TNKS: variants seen among roughly 807,000 people sequenced by gnomAD.
TNKS encodes poly [ADP-ribose] polymerase tankyrase-1.
Under a neutral mutation model 135.8 loss-of-function variants are expected in TNKS, and 72 were observed. That is an observed-to-expected ratio of 0.53 (90% CI 0.44 to 0.64). TNKS has a LOEUF of 0.64. Among genes scored for constraint, TNKS ranks in the 30% least tolerant of loss-of-function variants. The pLI, the probability that TNKS is intolerant of heterozygous loss-of-function variation, is 0.00. For synonymous variants in TNKS, 849 were observed against 649.3 expected (o/e 1.31, Z -4.68); for missense variants, 1,769 against 1,674.0 (o/e 1.06, Z -0.99).
intron 3 of TNKS, among the ~76,000 whole-genome samples, chr8:9,657,698 G>A (rs1212264069): frequency 1.0e-5 from 1 of 96,808 alleles, no homozygotes; most frequent in Non-Finnish European, 2.2e-5. Context: ...GCCGGGCTGA[G>A]GGGCTCCTCA....
intron 8 of TNKS, among the ~76,000 whole-genome samples, 176 bp downstream of exon 8, chr8:9,707,173 T>A (rs1322731822): frequency 1.3e-5 from 2 of 152,244 alleles, no homozygotes; most frequent in Non-Finnish European, 2.9e-5. Flanking sequence ...ATACAGACAC[T>A]TTTTGTATAT....
intron 3 of TNKS, among the ~76,000 whole-genome samples, chr8:9,657,246 G>A (rs1801426422): frequency 8.7e-6 from 1 of 115,096 alleles, no homozygotes; most frequent in African/African-American, 3.2e-5. Context: ...GGCCGGGCGG[G>A]GGGCCGACCC....
At chr8:9,583,780 C>A (rs930247080) in intron 2 of TNKS, among the ~76,000 whole-genome samples, 7 of 152,060 alleles carry the variant, frequency 4.6e-5, no homozygotes, top group Non-Finnish European at 1.0e-4. Flanking sequence ...AGCCACCGCA[C>A]CCAGCCTGTA....
chr8:9,613,063 CA>C (rs1207054482), intron 2 of TNKS, among the ~76,000 whole-genome samples: 1 of 152,046 alleles, frequency 6.6e-6, no homozygotes, highest in African/African-American at 2.4e-5. Flanking sequence ...GTGGCAGAGA[CA>C]GGCACACTCA....
chr8:9,776,582 A>G, intron 26 of TNKS, 68 bp from the exon 27 acceptor site: 1 of 1,457,546 alleles, frequency 6.9e-7, no homozygotes, highest in South Asian at 1.1e-5. Context: ...TGAGGCTTCC[A>G]CATTCGGCAA....
intron 2 of TNKS, among the ~76,000 whole-genome samples, chr8:9,597,980 A>C (rs765491115): frequency 6.6e-6 from 1 of 152,222 alleles, no homozygotes; most frequent in Non-Finnish European, 1.5e-5. Flanking sequence ...CTTTTAGCTA[A>C]ATAACTTTCC....
intron 9 of TNKS, among the ~76,000 whole-genome samples, chr8:9,709,485 A>G (rs1804211619): frequency 6.6e-6 from 1 of 152,212 alleles, no homozygotes; most frequent in African/African-American, 2.4e-5. Context: ...ATTTTTCTCT[A>G]AACTGCTTCA....
intron 3 of TNKS, chr8:9,670,740 T>G (rs974593044): frequency 1.3e-5 from 2 of 152,162 alleles, no homozygotes; most frequent in Non-Finnish European, 2.9e-5. Flanking sequence ...GCTGCTTGGA[T>G]TAACTTGTGA....
intron 3 of TNKS, among the ~76,000 whole-genome samples, chr8:9,676,469 C>G (rs1319003572): frequency 6.6e-6 from 1 of 152,130 alleles, no homozygotes. Flanking sequence ...AAAGCACTTA[C>G]AATGTTAAAA....
intron 3 of TNKS, among the ~76,000 whole-genome samples, chr8:9,651,412 C>T (rs1183673868): frequency 6.6e-6 from 1 of 152,092 alleles, no homozygotes; most frequent in Admixed American, 6.5e-5. Flanking sequence ...CCACCAGAAA[C>T]ATATCTGTGA....
chr8:9,558,195 T>C (rs1478707674), intron 1 of TNKS: 1 of 152,208 alleles, frequency 6.6e-6, no homozygotes, highest in African/African-American at 2.4e-5. Flanking sequence ...TTCTGTTTCA[T>C]TTTTAGCAAA....
At chr8:9,558,681 T>A (rs550531303) in intron 1 of TNKS, 26 of 152,330 alleles carry the variant, frequency 1.7e-4, no homozygotes, top group African/African-American at 5.5e-4. Context: ...CAGAGTTTTA[T>A]GTATATCCAG....
intron 3 of TNKS, among the ~76,000 whole-genome samples, chr8:9,638,281 C>A (rs575937497): frequency 1.3e-5 from 2 of 152,210 alleles, no homozygotes; most frequent in African/African-American, 4.8e-5. Context: ...AGCCTAAATT[C>A]TTATATTTCC....
chr8:9,656,122 C>G (rs1801353802), intron 3 of TNKS, among the ~76,000 whole-genome samples: 1 of 152,082 alleles, frequency 6.6e-6, no homozygotes, highest in Admixed American at 6.5e-5. Flanking sequence ...CCAATGCGAT[C>G]AACTGGAAGA....
At chr8:9,573,829 A>C in intron 1 of TNKS, among the ~76,000 whole-genome samples, 1 of 152,186 alleles carries the variant, frequency 6.6e-6, no homozygotes, top group Non-Finnish European at 1.5e-5. Flanking sequence ...CATAGATAAA[A>C]ACATCAGTTT....
At chr8:9,678,361 C>G (rs1361989392) in intron 3 of TNKS, among the ~76,000 whole-genome samples, 1 of 152,050 alleles carries the variant, frequency 6.6e-6, no homozygotes, top group Non-Finnish European at 1.5e-5. Context: ...TTTGGGAAGG[C>G]AGGAACTTAA....
chr8:9,759,750 A>C (rs1369878573), intron 20 of TNKS, among the ~76,000 whole-genome samples: 2 of 152,078 alleles, frequency 1.3e-5, no homozygotes, highest in Non-Finnish European at 2.9e-5. Context: ...CAAGACGGGC[A>C]GATCACGAGG....
chr8:9,645,393 G>A (rs1346925779), intron 3 of TNKS, among the ~76,000 whole-genome samples: 1 of 152,128 alleles, frequency 6.6e-6, no homozygotes, highest in African/African-American at 2.4e-5. Context: ...ACAGTTTTAT[G>A]CAAGGAAAAG....
intron 5 of TNKS, among the ~76,000 whole-genome samples, chr8:9,681,954 T>C (rs961600924): frequency 6.6e-6 from 1 of 152,178 alleles, no homozygotes; most frequent in African/African-American, 2.4e-5. Flanking sequence ...GAGAGACTTC[T>C]ACTTTCATAG....
Sources: allele counts gnomAD v4.1 joint callset (sites outside exome capture counted in the v4.1 genomes callset), GRCh38; gene constraint gnomAD v4.1.1; transcripts MANE v1.5; gene names NCBI Gene and HGNC (gene_info 2026-07-23, HGNC 2026-07-21).